Variants in CTTNBP2 observed in about 807,000 individuals in gnomAD.
CTTNBP2 encodes the protein cortactin binding protein 2, also known as cortactin-binding protein 2.
In CTTNBP2, 108 loss-of-function variants were observed where a neutral mutation model predicts 156.9. The ratio of observed to expected loss-of-function variants is 0.69; its 90% confidence interval spans 0.59 to 0.81. The LOEUF (loss-of-function observed/expected upper bound fraction) is 0.81, where lower values mean the gene tolerates loss of function less well. Ranked by LOEUF, CTTNBP2 falls within the 30% of genes least tolerant of loss-of-function variation. CTTNBP2 has a pLI of 0.00. For synonymous variants in CTTNBP2, 767 were observed against 751.8 expected, an observed-to-expected ratio of 1.02 and a Z score of -0.33; for missense variants, 1,924 against 2,035.4, an observed-to-expected ratio of 0.95 and a Z score of 1.05.
chr7:117,853,712 C>T (rs1290334694), intron 2 of CTTNBP2, among the ~76,000 whole-genome samples: 3 of 152,100 alleles, frequency 2.0e-5, no homozygotes, highest in Admixed American at 2.0e-4. Context: ...TATCCTGCAC[C>T]AGAACGGATC....
intron 2 of CTTNBP2, among the ~76,000 whole-genome samples, chr7:117,835,045 A>C (rs1278720883): frequency 6.6e-6 from 1 of 152,236 alleles, no homozygotes; most frequent in Non-Finnish European, 1.5e-5. Context: ...AGCGTCAATA[A>C]AAGCAAAAAC....
At chr7:117,717,232 G>A (rs907498244) in intron 22 of CTTNBP2, among the ~76,000 whole-genome samples, 2 of 152,068 alleles carry the variant, frequency 1.3e-5, no homozygotes, top group South Asian at 2.1e-4. Flanking sequence ...CTGGAATCCT[G>A]GTTCTTCTAG....
At chr7:117,733,700 C>G (rs993521769) in intron 16 of CTTNBP2, among the ~76,000 whole-genome samples, 4 of 152,078 alleles carry the variant, frequency 2.6e-5, no homozygotes, top group African/African-American at 9.7e-5. Context: ...TTAGGAATTT[C>G]AGATATTAAT....
intron 2 of CTTNBP2, among the ~76,000 whole-genome samples, chr7:117,832,525 CT>C (rs1042809113): frequency 6.7e-6 from 1 of 150,054 alleles, no homozygotes; most frequent in Non-Finnish European, 1.5e-5. Context: ...TTTATTCTCT[CT>C]CTACTCTCAT....
chr7:117,781,392 C>T (rs564215840), intron 6 of CTTNBP2, among the ~76,000 whole-genome samples: 3 of 152,172 alleles, frequency 2.0e-5, no homozygotes, highest in Non-Finnish European at 2.9e-5. Context: ...CTGATTTATA[C>T]ATTTTTTTTA....
In CTTNBP2 at chr7:117,864,201, T is replaced by C. The variant is rs567214672; in HGVS notation, c.82-2885A>G. On this transcript the variant is annotated intron_variant, in intron 1 of 22. Coordinates refer to ENST00000160373, the MANE Select transcript of CTTNBP2 (RefSeq NM_033427.3). The stretch of plus-strand genomic sequence containing the variant: ...TACCATCAATAAAGAGGGAAATTCA[T>C]TAAAATAAAAAATATTGGTACAAGC... Among the ~76,000 whole-genome samples, 20 of 152,258 alleles carry C rather than the reference T, an allele frequency of 1.3e-4. 1 individual carries two copies. Among genetic ancestry groups the C allele is most frequent in the Middle Eastern group, 6.8e-3 (2 of 294 alleles).
Position 117,773,692 on chromosome 7 carries a change from CA to C in CTTNBP2, c.2778+3818del, listed in dbSNP as rs1320598516. Reference sequence around the variant, plus strand: ...ACACACACACACACACACACACACACACACACACACACACACCCCAAAAAAC... The same window carrying C: ...ACACACACACACACACACACACACACCACACACACACACACCCCAAAAAAC... On this transcript the variant is annotated intron_variant, in intron 8 of 22. Transcript: ENST00000160373. 5.0e-3 allele frequency among the ~76,000 whole-genome samples: 743 copies of C among 148,436 alleles called. 16 individuals are homozygous for C. Among genetic ancestry groups the C allele is most frequent in the African/African-American group, 0.015 (574 of 38,956 alleles).
chr7:117,718,524 A>C (rs1032579899), intron 21 of CTTNBP2, among the ~76,000 whole-genome samples: 1 of 152,220 alleles, frequency 6.6e-6, no homozygotes. Context: ...TGACGATTCA[A>C]ATAATACAGT....
intron 2 of CTTNBP2, among the ~76,000 whole-genome samples, chr7:117,825,227 T>C (rs1309597125): frequency 6.6e-6 from 1 of 152,212 alleles, no homozygotes; most frequent in Non-Finnish European, 1.5e-5. Context: ...GTGTTAAGGA[T>C]ATGCAGTCTC....
At chr7:117,820,864 T>C (rs538305555) in intron 2 of CTTNBP2, among the ~76,000 whole-genome samples, 77 of 152,350 alleles carry the variant, frequency 5.1e-4, no homozygotes, top group African/African-American at 1.6e-3. Flanking sequence ...TGTAAGATTT[T>C]TAAAAGTCTC....
intron 3 of CTTNBP2, among the ~76,000 whole-genome samples, chr7:117,797,358 C>T (rs1306372791): frequency 6.6e-6 from 1 of 152,168 alleles, no homozygotes; most frequent in Admixed American, 6.5e-5. Context: ...AGCTCTTCAG[C>T]AGGTAACAGA....
intron 2 of CTTNBP2, among the ~76,000 whole-genome samples, chr7:117,831,420 GT>G (rs1801605539): frequency 1.3e-5 from 2 of 152,024 alleles, no homozygotes; most frequent in South Asian, 4.2e-4. Flanking sequence ...AAGACTGAAA[GT>G]CATGAGGAGG....
chr7:117,734,043 T>C (rs1307506577), intron 16 of CTTNBP2, among the ~76,000 whole-genome samples: 3 of 152,220 alleles, frequency 2.0e-5, no homozygotes, highest in African/African-American at 4.8e-5. Context: ...CCCTTGAACA[T>C]GTTTTCACAA....
intron 3 of CTTNBP2, among the ~76,000 whole-genome samples, chr7:117,808,639 T>C (rs972243969): frequency 2.4e-4 from 36 of 152,358 alleles, no homozygotes; most frequent in African/African-American, 8.4e-4. Context: ...TCATAGCTAA[T>C]GGAGCCTTTG....
intron 2 of CTTNBP2, among the ~76,000 whole-genome samples, chr7:117,832,037 C>T (rs930696296): frequency 6.6e-6 from 1 of 152,080 alleles, no homozygotes; most frequent in Non-Finnish European, 1.5e-5. Flanking sequence ...CAACAAGCCC[C>T]CTGAAACTCA....
chr7:117,806,744 A>ATTTT (rs3059529), intron 3 of CTTNBP2, among the ~76,000 whole-genome samples: 3 of 119,222 alleles, frequency 2.5e-5, no homozygotes, highest in Non-Finnish European at 5.2e-5. Context: ...TCTTTTTCTC[A>ATTTT]TTTTTTTTTT....
At chr7:117,856,780 T>C (rs1272404697) in intron 2 of CTTNBP2, among the ~76,000 whole-genome samples, 20 of 152,238 alleles carry the variant, frequency 1.3e-4, no homozygotes. Flanking sequence ...AAACTCATGC[T>C]AATGATGGCA....
At chr7:117,758,012 G>A (rs768712102) in intron 10 of CTTNBP2, 42 bp from the exon 11 acceptor site, 1 of 1,475,108 alleles carries the variant, frequency 6.8e-7, no homozygotes, top group Non-Finnish European at 9.4e-7. Flanking sequence ...GGAAGCTTAT[G>A]AGTGGTTTTT....
chr7:117,837,085 G>A (rs1802001141), intron 2 of CTTNBP2, among the ~76,000 whole-genome samples: 1 of 152,214 alleles, frequency 6.6e-6, no homozygotes. Flanking sequence ...AGGATTGAGA[G>A]ACAAGGAGCG....
Sources: allele counts gnomAD v4.1 joint callset (sites outside exome capture counted in the v4.1 genomes callset), GRCh38; gene constraint gnomAD v4.1.1; transcripts MANE v1.5; gene names NCBI Gene and HGNC (gene_info 2026-07-23, HGNC 2026-07-21).